PCDHA10: variants seen among roughly 807,000 people sequenced by gnomAD.
PCDHA10 encodes protocadherin alpha-10.
In PCDHA10, 45 loss-of-function variants were observed where a neutral mutation model predicts 61.2. That is an observed-to-expected ratio of 0.74 (90% confidence interval 0.58 to 0.94). The LOEUF is 0.94. Among genes scored for constraint, PCDHA10 ranks in the 40% least tolerant of loss-of-function variants. The pLI is 0.00. For missense variants in PCDHA10, 1,278 were observed against 1,236.2 expected (o/e 1.03, Z -0.51); for synonymous variants, 602 against 548.8 (o/e 1.10, Z -1.35).
At chr5:140,961,558 A>T (rs1285175060) in intron 1 of PCDHA10, among the ~76,000 whole-genome samples, 1 of 151,976 alleles carries the variant, frequency 6.6e-6, no homozygotes, top group Admixed American at 6.6e-5. Context: ...TTCTTTTTTT[A>T]AATTTTGTTT....
chr5:140,934,511 T>G (rs999288213), intron 1 of PCDHA10, among the ~76,000 whole-genome samples: 1 of 152,210 alleles, frequency 6.6e-6, no homozygotes. Context: ...AAAGGGTCCA[T>G]AGACCACACT....
At chr5:140,998,585 A>C (rs1227951754) in intron 3 of PCDHA10, among the ~76,000 whole-genome samples, 1 of 148,644 alleles carries the variant, frequency 6.7e-6, no homozygotes, top group Non-Finnish European at 1.5e-5. Context: ...TTTTTTTGAG[A>C]CAGAGTTTTG....
intron 1 of PCDHA10, among the ~76,000 whole-genome samples, chr5:140,952,174 A>T (rs1376987356): frequency 6.6e-6 from 1 of 152,096 alleles, no homozygotes; most frequent in Non-Finnish European, 1.5e-5. Flanking sequence ...CAGTTCCTGC[A>T]GCTGCTCTCA....
At position 140,870,104 on chromosome 5, in the gene PCDHA10, C is replaced by G. The variant is rs782066407; in HGVS notation, c.2388+11668C>G. 3.1e-6 allele frequency: 5 copies of G among 1,613,930 alleles called. No individual in the cohort carries two copies. The Admixed American group carries it at 8.3e-5, about 27-fold the overall frequency. ...ACTCCCCCAATGGCAGGTCACTGTACAGTCTGGGTGGAAATCTTGGACACC... is the reference window on the plus strand; with the variant it reads ...ACTCCCCCAATGGCAGGTCACTGTAGAGTCTGGGTGGAAATCTTGGACACC... On this transcript the variant is annotated intron_variant, in intron 1 of 3. Coordinates refer to ENST00000307360, the MANE Select transcript of PCDHA10 (RefSeq NM_018901.4).
At chr5:140,971,695 A>G (rs563817946) in intron 1 of PCDHA10, among the ~76,000 whole-genome samples, 26 of 152,062 alleles carry the variant, frequency 1.7e-4, no homozygotes, top group Admixed American at 5.2e-4. Flanking sequence ...GTACTCACTA[A>G]CCACCCTGCT....
intron 1 of PCDHA10, among the ~76,000 whole-genome samples, chr5:140,939,247 T>C (rs1413301027): frequency 6.6e-6 from 1 of 152,246 alleles, no homozygotes; most frequent in South Asian, 2.1e-4. Context: ...GCAAGGTAGC[T>C]CTCTGGAACC....
chr5:140,928,896 A>G, intron 1 of PCDHA10: 3 of 1,614,108 alleles, frequency 1.9e-6, no homozygotes, highest in Non-Finnish European at 2.5e-6. Context: ...CAGACTTTGA[A>G]GATGTCTGGG....
intron 1 of PCDHA10, among the ~76,000 whole-genome samples, chr5:140,881,872 A>C (rs907896928): frequency 6.6e-6 from 1 of 152,240 alleles, no homozygotes; most frequent in South Asian, 2.1e-4. Context: ...TTGTGGCAAA[A>C]TGAAACTCAT....
At chr5:141,005,558 C>T (rs367751568) in intron 3 of PCDHA10, among the ~76,000 whole-genome samples, 1 of 151,122 alleles carries the variant, frequency 6.6e-6, no homozygotes, top group Non-Finnish European at 1.5e-5. Context: ...AAAAATTAGC[C>T]GGGCATGGTG....
chr5:140,982,441 T>G (rs368663739), intron 2 of PCDHA10, 34 bp from the exon 3 acceptor site: 18 of 1,613,728 alleles, frequency 1.1e-5, no homozygotes, highest in Non-Finnish European at 1.5e-5. Flanking sequence ...GAATTTATGA[T>G]CTAACCGTTA....
chr5:140,966,514 A>G (rs2096013065), intron 1 of PCDHA10: 1 of 434,820 alleles, frequency 2.3e-6, no homozygotes, highest in Non-Finnish European at 4.0e-6. Flanking sequence ...CAGCAGCAGC[A>G]GGAAGCCGAG....
chr5:140,967,084 TC>T, intron 1 of PCDHA10: 2 of 1,613,270 alleles, frequency 1.2e-6, no homozygotes, highest in African/African-American at 2.7e-5. Flanking sequence ...AGCGCATTGA[TC>T]GGGAGGCGCT....
rs1351145867 is a variant in PCDHA10, at chr5:141,012,314, G to T, written c.*2377G>T. On this transcript the variant is annotated 3_prime_UTR_variant, in exon 4 of 4. Coordinates refer to ENST00000307360, the MANE Select transcript of PCDHA10 (RefSeq NM_018901.4). ...AATTGGTGCTATTGGTATTTCCTCTGTTATTGCTAATAAATGAAAATGGTG... is the reference window on the plus strand; with the variant it reads ...AATTGGTGCTATTGGTATTTCCTCTTTTATTGCTAATAAATGAAAATGGTG... The T allele has an allele frequency of 6.5e-6, 1 of 153,728 alleles. No individual in the cohort carries two copies. The highest frequency in any genetic ancestry group is 2.4e-5 in the African/African-American group (1 of 41,440). 9.5% of individuals were successfully genotyped at this position (153,728 alleles called of 1,614,324 possible). A position where few individuals can be genotyped will look rare whatever the true frequency, so the allele number is the denominator to read the frequency against.
intron 1 of PCDHA10, chr5:140,883,880 C>G: frequency 1.2e-6 from 2 of 1,613,304 alleles, no homozygotes; most frequent in Non-Finnish European, 1.7e-6. Context: ...GGTGAGCGCG[C>G]GCGACTCTGG....
chr5:140,917,333 G>A (rs1301739777), intron 1 of PCDHA10, among the ~76,000 whole-genome samples: 2 of 148,632 alleles, frequency 1.3e-5, no homozygotes, highest in African/African-American at 4.9e-5. Flanking sequence ...GCGGGGGAGG[G>A]GGGGGATGGT....
At chr5:140,929,103 G>C (rs1424047708) in intron 1 of PCDHA10, 1 of 1,614,062 alleles carries the variant, frequency 6.2e-7, no homozygotes, top group East Asian at 2.2e-5. Flanking sequence ...ATCCTTGCAT[G>C]ACATCAGCCA....
rs782366361 is a variant in PCDHA10, at chr5:140,884,693, T to C, written c.2388+26257T>C. On this transcript the variant is annotated intron_variant, in intron 1 of 3. Coordinates refer to ENST00000307360, the MANE Select transcript of PCDHA10 (RefSeq NM_018901.4). ...CTTATATTTTAAAAAATTGTCTTAGTAAACACTTTAGCCTTCCTTGCAGTT... is the reference window on the plus strand; with the variant it reads ...CTTATATTTTAAAAAATTGTCTTAGCAAACACTTTAGCCTTCCTTGCAGTT... The C allele has an allele frequency of 2.1e-5, 32 of 1,524,768 alleles. No individual in the cohort carries two copies. The East Asian group carries it at 6.9e-4, about 33-fold the overall frequency. The allele number at this position is 1,524,768 out of a possible 1,614,324, so 94.5% of individuals were successfully genotyped here. A position where few individuals can be genotyped will look rare whatever the true frequency, so the allele number is the denominator to read the frequency against.
chr5:140,901,539 A>C (rs192107124), intron 1 of PCDHA10, among the ~76,000 whole-genome samples: 1 of 151,952 alleles, frequency 6.6e-6, no homozygotes, highest in African/African-American at 2.4e-5. Context: ...TTGGTTCTCT[A>C]TTCTGTTCCA....
rs545893416 is a variant in PCDHA10, at chr5:140,934,382, A to G, written c.2389-44567A>G. On this transcript the variant is annotated intron_variant, in intron 1 of 3. Transcript: ENST00000307360. ...CTGCTTTGACTCCTTCTGTGGTTCT[A>G]TGGTGGCCAGCTTTACCCACCAATG... Among the ~76,000 whole-genome samples the G allele has an allele frequency of 2.0e-3, 310 of 152,264 alleles. 8 individuals are homozygous for G. Among genetic ancestry groups the G allele is most frequent in the South Asian group, 3.9e-3 (19 of 4,830 alleles).
Sources: allele counts gnomAD v4.1 joint callset (sites outside exome capture counted in the v4.1 genomes callset), GRCh38; gene constraint gnomAD v4.1.1; transcripts MANE v1.5; gene names NCBI Gene and HGNC (gene_info 2026-07-23, HGNC 2026-07-21).